TFDP2: variants seen among roughly 807,000 people sequenced by gnomAD.
TFDP2 encodes the protein transcription factor Dp-2, also known as transcription factor Dp-2 (E2F dimerization partner 2).
In TFDP2, 17 loss-of-function variants were observed where a neutral mutation model predicts 59.3. The ratio of observed to expected loss-of-function variants is 0.29; its 90% CI spans 0.20 to 0.43. The LOEUF is 0.43. Ranked by LOEUF, TFDP2 falls within the 20% of genes least tolerant of loss-of-function variation. The pLI, the probability that TFDP2 is intolerant of heterozygous loss-of-function variation, is 1.00. For synonymous variants in TFDP2, 180 were observed against 194.7 expected (o/e 0.92, Z 0.63); for missense variants, 391 against 528.8 (o/e 0.74, Z 2.56).
At chr3:142,088,087 G>T (rs572115404) in intron 3 of TFDP2, among the ~76,000 whole-genome samples, 9 of 152,278 alleles carry the variant, frequency 5.9e-5, no homozygotes, top group African/African-American at 2.2e-4. Flanking sequence ...CTCCATGAGG[G>T]AAGGGACTTT....
chr3:142,146,007 AAG>A (rs2063160234), intron 1 of TFDP2, among the ~76,000 whole-genome samples: 1 of 152,212 alleles, frequency 6.6e-6, no homozygotes, highest in Admixed American at 6.5e-5. Context: ...TATCACCTTT[AAG>A]AGAGGTCTTT....
chr3:142,087,738 G>GC lies in TFDP2; in HGVS notation c.82+5322dup, dbSNP rs1292507753. 2.6e-5 allele frequency among the ~76,000 whole-genome samples: 4 copies of GC among 152,262 alleles called. No homozygotes were observed. In the East Asian group the frequency reaches 5.8e-4, roughly 22 times the overall value. On this transcript the variant is annotated intron_variant, in intron 3 of 12. Transcript: ENST00000489671. ...GCTGGTCTTGAACTGCTGAGCTCAA[G>GC]CAATCCACCCCCCTTGGCCTCCCAA... is the stretch of plus-strand genomic sequence containing the variant.
intron 3 of TFDP2, among the ~76,000 whole-genome samples, chr3:142,077,857 T>C (rs2060515616): frequency 6.6e-6 from 1 of 152,294 alleles, no homozygotes; most frequent in East Asian, 1.9e-4. Flanking sequence ...CCAGCTGAGG[T>C]AGAGCACCAA....
intron 3 of TFDP2, among the ~76,000 whole-genome samples, chr3:142,064,242 G>C (rs905607181): frequency 6.6e-6 from 1 of 152,152 alleles, no homozygotes; most frequent in Non-Finnish European, 1.5e-5. Flanking sequence ...CTGGCCAACA[G>C]TAGTGCTTAA....
At chr3:142,073,570 T>C (rs770651987) in intron 3 of TFDP2, among the ~76,000 whole-genome samples, 15 of 146,654 alleles carry the variant, frequency 1.0e-4, no homozygotes, top group Non-Finnish European at 2.1e-4. Context: ...GAATGAGAGG[T>C]GACAATGGCA....
chr3:142,032,240 A>G (rs1946464906), intron 3 of TFDP2, among the ~76,000 whole-genome samples: 2 of 151,924 alleles, frequency 1.3e-5, no homozygotes, highest in South Asian at 2.1e-4. Context: ...AGCAGCCAGG[A>G]CCACAGGTGT....
chr3:142,147,516 G>A (rs957933140), intron 1 of TFDP2, among the ~76,000 whole-genome samples: 2 of 152,206 alleles, frequency 1.3e-5, no homozygotes, highest in African/African-American at 2.4e-5. Context: ...ATTCACAAGA[G>A]TCAGGGTGGG....
At chr3:142,078,799 C>T (rs148057350) in intron 3 of TFDP2, among the ~76,000 whole-genome samples, 19 of 152,126 alleles carry the variant, frequency 1.2e-4, no homozygotes, top group African/African-American at 3.4e-4. Context: ...AACAAATGAA[C>T]TAAGTAAGAC....
chr3:142,148,507 C>G (rs1235276282), intron 1 of TFDP2, among the ~76,000 whole-genome samples: 1 of 152,158 alleles, frequency 6.6e-6, no homozygotes, highest in Non-Finnish European at 1.5e-5. Context: ...CCGAAACACA[C>G]CGAATAGGTG....
At chr3:141,968,790 AAC>A (rs1247927304) in intron 9 of TFDP2, among the ~76,000 whole-genome samples, 3 of 75,348 alleles carry the variant, frequency 4.0e-5, no homozygotes, top group Non-Finnish European at 5.0e-5. Context: ...AGATATATAT[AAC>A]ACATATATAT....
At chr3:141,968,571 T>A (rs1454118218) in intron 9 of TFDP2, among the ~76,000 whole-genome samples, 7 of 107,176 alleles carry the variant, frequency 6.5e-5, no homozygotes, top group South Asian at 2.7e-4. Flanking sequence ...TAGATATATA[T>A]AACATATATA....
At chr3:142,102,043 G>A (rs1025263746) in intron 1 of TFDP2, among the ~76,000 whole-genome samples, 4 of 152,206 alleles carry the variant, frequency 2.6e-5, no homozygotes, top group African/African-American at 9.6e-5. Flanking sequence ...ATTTGACCAT[G>A]TCAACTCAGT....
intron 3 of TFDP2, among the ~76,000 whole-genome samples, chr3:142,065,635 C>T (rs2060052966): frequency 6.6e-6 from 1 of 151,780 alleles, no homozygotes; most frequent in Admixed American, 6.6e-5. Context: ...CCTCAGCCTC[C>T]TGAGTAGCTG....
At chr3:142,041,904 G>A (rs1032251918) in intron 3 of TFDP2, among the ~76,000 whole-genome samples, 1 of 152,048 alleles carries the variant, frequency 6.6e-6, no homozygotes, top group Non-Finnish European at 1.5e-5. Context: ...AGCATCATTT[G>A]TTGAAAAAAC....
chr3:142,062,109 A>AC (rs2059936018), intron 3 of TFDP2, among the ~76,000 whole-genome samples: 2 of 151,654 alleles, frequency 1.3e-5, no homozygotes, highest in African/African-American at 4.8e-5. Context: ...ATGACAAACC[A>AC]CTTACACTTA....
chr3:141,952,893 C>T lies in TFDP2; in HGVS notation c.1157+18G>A, dbSNP rs371064243. 2.1e-5 allele frequency: 34 copies of T among 1,611,782 alleles called. No homozygotes were observed. The highest frequency in any genetic ancestry group is 2.8e-5 in the Non-Finnish European group (33 of 1,178,116). ...GGGCTCTGGGGTTTGCCTTTCTAAC[C>T]CTGAAAAAAATACGTACCTTGACTG... is the stretch of plus-strand genomic sequence containing the variant. On this transcript the variant is annotated intron_variant, in intron 12 of 12. Transcript: ENST00000489671.
At chr3:142,077,945 C>A (rs2060518694) in intron 3 of TFDP2, among the ~76,000 whole-genome samples, 1 of 152,092 alleles carries the variant, frequency 6.6e-6, no homozygotes, top group Non-Finnish European at 1.5e-5. Flanking sequence ...GAGAGAGGAG[C>A]CCATCAACCT....
chr3:142,042,514 G>A (rs1239110282), intron 3 of TFDP2, among the ~76,000 whole-genome samples: 1 of 151,634 alleles, frequency 6.6e-6, no homozygotes, highest in African/African-American at 2.4e-5. Context: ...TGGCCAGGAT[G>A]GTCTCGATCT....
chr3:142,141,312 C>T (rs1364906287), intron 1 of TFDP2, among the ~76,000 whole-genome samples: 1 of 152,194 alleles, frequency 6.6e-6, no homozygotes, highest in African/African-American at 2.4e-5. Context: ...ATCTTCTGAT[C>T]CCTTGTGCTT....
Sources: gnomAD v4.1 joint callset for allele counts (sites outside exome capture counted in the v4.1 genomes callset) on GRCh38, gnomAD v4.1.1 for gene constraint, MANE v1.5 for transcripts, NCBI Gene and HGNC (gene_info 2026-07-23, HGNC 2026-07-21) for gene names.